PRIM2: variants seen among roughly 807,000 people sequenced by gnomAD.
PRIM2 encodes the protein DNA primase subunit 2.
A neutral mutation model predicts 67.3 loss-of-function variants in PRIM2; 39 were observed. That is an observed-to-expected ratio of 0.58 (90% CI 0.45 to 0.76). PRIM2 has a LOEUF of 0.76. PRIM2 is among the 30% of genes least tolerant of loss of function. The pLI, the probability that PRIM2 is intolerant of heterozygous loss-of-function variation, is 0.00. For synonymous variants in PRIM2, 143 were observed against 198.7 expected, an observed-to-expected ratio of 0.72 and a Z score of 2.36; for missense variants, 398 against 598.7, an observed-to-expected ratio of 0.66 and a Z score of 3.50.
chr6:57,482,988 C>CA (rs1773666403), intron 7 of PRIM2, among the ~76,000 whole-genome samples: 1 of 152,144 alleles, frequency 6.6e-6, no homozygotes, highest in African/African-American at 2.4e-5. Context: ...CTGCTCACAG[C>CA]AGCCTCCGCC....
intron 7 of PRIM2, chr6:57,505,248 C>A (rs1414129415): frequency 5.3e-5 from 8 of 152,306 alleles, no homozygotes; most frequent in Non-Finnish European, 4.4e-5. Flanking sequence ...ACTCAAAAAT[C>A]TTCCTTGAAA....
At chr6:57,371,208 A>G (rs1214424328) in intron 5 of PRIM2, among the ~76,000 whole-genome samples, 1 of 150,286 alleles carries the variant, frequency 6.7e-6, no homozygotes, top group African/African-American at 2.5e-5. Flanking sequence ...TGTTGTAGCT[A>G]AAGTATTCTG....
At chr6:57,453,595 G>T (rs201818653) in intron 7 of PRIM2, among the ~76,000 whole-genome samples, 2 of 152,042 alleles carry the variant, frequency 1.3e-5, no homozygotes, top group African/African-American at 4.8e-5. Context: ...TTTGTCTGTT[G>T]TTGGTGTATA....
At chr6:57,307,698 G>C in the PRIM2 span, among the ~76,000 whole-genome samples, 1 of 152,244 alleles carries the variant, frequency 6.6e-6, no homozygotes, top group Admixed American at 6.5e-5. Flanking sequence ...CCCAAAGTGA[G>C]AGGGTCCTTT....
At chr6:57,631,349 G>T (rs1777036183) in intron 12 of PRIM2, among the ~76,000 whole-genome samples, 1 of 152,138 alleles carries the variant, frequency 6.6e-6, no homozygotes, top group Non-Finnish European at 1.5e-5. Flanking sequence ...CCAATTATGT[G>T]TTTTATTTAT....
the PRIM2 span, among the ~76,000 whole-genome samples, chr6:57,233,534 C>A: frequency 6.6e-6 from 1 of 152,096 alleles, no homozygotes; most frequent in African/African-American, 2.4e-5. Context: ...TATGCACTTA[C>A]CTGATGCCTG....
At chr6:57,483,628 A>C (rs1773681299) in intron 7 of PRIM2, among the ~76,000 whole-genome samples, 1 of 152,164 alleles carries the variant, frequency 6.6e-6, no homozygotes, top group East Asian at 1.9e-4. Flanking sequence ...CTGTTAATTC[A>C]GTGTAGATTA....
chr6:57,253,121 G>A, the PRIM2 span, among the ~76,000 whole-genome samples: 1 of 152,034 alleles, frequency 6.6e-6, no homozygotes, highest in Non-Finnish European at 1.5e-5. Flanking sequence ...AATTAACTCT[G>A]TAGGCAGCAT....
chr6:57,589,325 G>A (rs1776245695), intron 10 of PRIM2, among the ~76,000 whole-genome samples: 1 of 152,092 alleles, frequency 6.6e-6, no homozygotes, highest in African/African-American at 2.4e-5. Flanking sequence ...AGCCTCACTT[G>A]GCAACAGGTA....
At chr6:57,302,413 C>T in the PRIM2 span, among the ~76,000 whole-genome samples, 127,539 of 152,150 alleles carry the variant, frequency 0.84, 53,650 homozygotes, top group East Asian at 0.99. Flanking sequence ...ATGGGTTTAA[C>T]TGAGTGCTGG....
chr6:57,581,905 A>G (rs1371137314), intron 10 of PRIM2, among the ~76,000 whole-genome samples: 4 of 152,230 alleles, frequency 2.6e-5, no homozygotes, highest in African/African-American at 9.6e-5. Flanking sequence ...AGAAGTGAAC[A>G]AGAGGCGCAT....
chr6:57,358,338 A>G (rs1335351982), intron 5 of PRIM2, among the ~76,000 whole-genome samples: 7 of 152,244 alleles, frequency 4.6e-5, no homozygotes, highest in East Asian at 1.9e-4. Context: ...TGAGTGGGAA[A>G]ATAAAAATCT....
At chr6:57,227,277 C>T in the PRIM2 span, among the ~76,000 whole-genome samples, 1 of 152,116 alleles carries the variant, frequency 6.6e-6, no homozygotes, top group East Asian at 1.9e-4. Context: ...TTGTTCACCT[C>T]GCTTCAGTGA....
rs746668582 is a variant in PRIM2, at chr6:57,379,900, G to A, written c.460-1G>A. 1.3e-6 allele frequency: 2 copies of A among 1,534,880 alleles called. No individual in the cohort carries two copies. The highest frequency in any genetic ancestry group is 2.5e-5 in the East Asian group (1 of 40,810). The stretch of plus-strand genomic sequence containing the variant: ...TAACAGCTTAAAATATGTTTTTTTA[G>A]ATAAGTGATGAAGAGAAGACTCTTC... On this transcript the variant is annotated splice_acceptor_variant, in intron 5 of 13. Coordinates refer to ENST00000615550, the MANE Select transcript of PRIM2 (RefSeq NM_000947.5). LOFTEE classifies it high-confidence loss of function.
At chr6:57,471,724 A>G (rs1386929300) in intron 7 of PRIM2, among the ~76,000 whole-genome samples, 3 of 152,198 alleles carry the variant, frequency 2.0e-5, no homozygotes, top group African/African-American at 7.2e-5. Context: ...TACTTTTGTA[A>G]AGAGTCATGA....
At chr6:57,550,551 T>C (rs1775381908) in intron 10 of PRIM2, among the ~76,000 whole-genome samples, 1 of 152,216 alleles carries the variant, frequency 6.6e-6, no homozygotes, top group Admixed American at 6.5e-5. Flanking sequence ...CTTGATGTTG[T>C]ACTCCAAATA....
chr6:57,420,025 A>C (rs1771412691), intron 7 of PRIM2, among the ~76,000 whole-genome samples: 1 of 152,268 alleles, frequency 6.6e-6, no homozygotes, highest in South Asian at 2.1e-4. Context: ...ATGTGAGCAG[A>C]GACTTTCTGC....
the PRIM2 span, among the ~76,000 whole-genome samples, chr6:57,239,949 C>A: frequency 6.6e-6 from 1 of 151,972 alleles, no homozygotes; most frequent in Admixed American, 6.6e-5. Flanking sequence ...AAATAGTAAT[C>A]AAAAAAGACA....
chr6:57,315,429 A>G (rs912532751), upstream of PRIM2, among the ~76,000 whole-genome samples: 1 of 152,160 alleles, frequency 6.6e-6, no homozygotes, highest in Non-Finnish European at 1.5e-5. Context: ...ATAATTATTT[A>G]AAGAACTACA....
Sources: allele counts gnomAD v4.1 joint callset (sites outside exome capture counted in the v4.1 genomes callset), GRCh38; gene constraint gnomAD v4.1.1; transcripts MANE v1.5; gene names NCBI Gene and HGNC (gene_info 2026-07-23, HGNC 2026-07-21).